Variants in SLC10A7 observed in about 807,000 individuals in gnomAD.
SLC10A7 encodes sodium/bile acid cotransporter 7.
Under a neutral mutation model 43.2 loss-of-function variants are expected in SLC10A7, and 29 were observed. The observed-to-expected ratio is 0.67, with a 90% confidence interval of 0.50 to 0.92. The LOEUF is 0.92. SLC10A7 is among the 40% of genes least tolerant of loss of function. The pLI is 0.00. For missense variants in SLC10A7, 295 were observed against 403.2 expected, an observed-to-expected ratio of 0.73 and a Z score of 2.30; for synonymous variants, 152 against 144.8, an observed-to-expected ratio of 1.05 and a Z score of -0.35.
intron 5 of SLC10A7, among the ~76,000 whole-genome samples, chr4:146,418,767 T>C (rs567914733): frequency 6.6e-6 from 1 of 152,174 alleles, no homozygotes; most frequent in Non-Finnish European, 1.5e-5. Context: ...ACTCTCCACC[T>C]GCAGAGAGTG....
At chr4:146,445,302 T>C (rs1287948326) in intron 4 of SLC10A7, among the ~76,000 whole-genome samples, 2 of 152,058 alleles carry the variant, frequency 1.3e-5, no homozygotes, top group South Asian at 2.1e-4. Context: ...CGCGAAGGGG[T>C]TGGCTCATTT....
chr4:146,329,142 A>C lies in SLC10A7; in HGVS notation c.436-3146T>G, dbSNP rs564549566. Among the ~76,000 whole-genome samples, 3 of 152,334 alleles carry C rather than the reference A, an allele frequency of 2.0e-5. No individual in the cohort carries two copies. In the South Asian group the frequency reaches 6.2e-4, roughly 32 times the overall value. The stretch of plus-strand genomic sequence containing the variant: ...CCAAGGACTTATAACATTTGTTCCC[A>C]AAATAGTAAAAGTTTCCTAGCAAAT... On this transcript the variant is annotated intron_variant, in intron 5 of 11. Transcript: ENST00000335472.
chr4:146,345,519 C>T (rs1052551405), intron 5 of SLC10A7, among the ~76,000 whole-genome samples: 6 of 152,122 alleles, frequency 3.9e-5, no homozygotes, highest in South Asian at 2.1e-4. Context: ...ATTCCTTGAC[C>T]GGGCTATATT....
intron 5 of SLC10A7, among the ~76,000 whole-genome samples, chr4:146,372,960 T>C (rs910892361): frequency 2.6e-5 from 4 of 152,212 alleles, no homozygotes; most frequent in African/African-American, 9.6e-5. Context: ...CTAGAATCCA[T>C]TTGTTCTTCA....
intron 5 of SLC10A7, among the ~76,000 whole-genome samples, chr4:146,421,000 C>T (rs1162325164): frequency 6.6e-6 from 1 of 151,994 alleles, no homozygotes; most frequent in Non-Finnish European, 1.5e-5. Flanking sequence ...GTACTCCAGC[C>T]TGGGGGACAG....
chr4:146,399,585 G>A (rs536885450), intron 5 of SLC10A7, among the ~76,000 whole-genome samples: 1 of 152,140 alleles, frequency 6.6e-6, no homozygotes, highest in Admixed American at 6.6e-5. Context: ...AATTTGAATA[G>A]TCATAGTGAA....
Position 146,352,564 on chromosome 4 carries a change from C to T in SLC10A7, c.436-26568G>A, listed in dbSNP as rs1350575076. ...ATAGACATCTACAGAACTCTCCACC[C>T]CAAATCAACAGAATATACATTTTTT... On this transcript the variant is annotated intron_variant, in intron 5 of 11. Coordinates refer to ENST00000335472, the MANE Select transcript of SLC10A7 (RefSeq NM_001029998.6). Among the ~76,000 whole-genome samples the T allele has an allele frequency of 3.4e-4, 51 of 151,000 alleles. 1 individual carries two copies. Among genetic ancestry groups the T allele is most frequent in the African/African-American group, 1.2e-3 (50 of 41,022 alleles).
chr4:146,446,740 T>TTATCTATCTATC (rs150949685), intron 4 of SLC10A7, among the ~76,000 whole-genome samples: 21 of 143,822 alleles, frequency 1.5e-4, no homozygotes, highest in South Asian at 2.3e-4. Context: ...GTGAGAAGGT[T>TTATCTATCTATC]TATCTATCTA....
chr4:146,324,782 C>T (rs911954357), intron 6 of SLC10A7, among the ~76,000 whole-genome samples: 3 of 152,100 alleles, frequency 2.0e-5, no homozygotes, highest in Non-Finnish European at 2.9e-5. Flanking sequence ...TGCAAATAGT[C>T]TCTTTGGTTT....
At chr4:146,267,417 C>G (rs532556032) in intron 10 of SLC10A7, among the ~76,000 whole-genome samples, 1 of 152,288 alleles carries the variant, frequency 6.6e-6, no homozygotes, top group Admixed American at 6.5e-5. Context: ...CAAAGGCTGG[C>G]AACTCAACTT....
chr4:146,339,808 G>GTT (rs376451032), intron 5 of SLC10A7, among the ~76,000 whole-genome samples: 7 of 136,346 alleles, frequency 5.1e-5, no homozygotes, highest in South Asian at 2.3e-4. Flanking sequence ...TTCATTTGTC[G>GTT]TTTTTTTTTT....
intron 5 of SLC10A7, among the ~76,000 whole-genome samples, chr4:146,437,426 A>C (rs1730294665): frequency 6.6e-6 from 1 of 152,112 alleles, no homozygotes. Flanking sequence ...GATGAACTTG[A>C]AACAGCATCT....
chr4:146,384,170 C>G lies in SLC10A7; in HGVS notation c.436-58174G>C, dbSNP rs1737829529. Among the ~76,000 whole-genome samples the G allele has an allele frequency of 2.6e-5, 4 of 152,032 alleles. No homozygotes were observed. In the South Asian group the frequency reaches 8.3e-4, roughly 32 times the overall value. ...TCAAACAATGTCAATTATTAAAGTC[C>G]AGCAAACATCTTTTATTTCATGCTC... On this transcript the variant is annotated intron_variant, in intron 5 of 11. Coordinates refer to ENST00000335472, the MANE Select transcript of SLC10A7 (RefSeq NM_001029998.6).
At chr4:146,503,746 A>C in intron 4 of SLC10A7, 103 bp downstream of exon 4, 1 of 983,408 alleles carries the variant, frequency 1.0e-6, no homozygotes, top group South Asian at 1.4e-5. Context: ...TATGGCTAGG[A>C]GTTTTCTGCA....
intron 5 of SLC10A7, among the ~76,000 whole-genome samples, chr4:146,391,193 T>A (rs1738401697): frequency 6.6e-6 from 1 of 152,206 alleles, no homozygotes; most frequent in South Asian, 2.1e-4. Context: ...CAATCAGCAA[T>A]TTTCTTTAAT....
chr4:146,442,851 C>T (rs751996897), intron 4 of SLC10A7, 30 bp from the exon 5 acceptor site: 1 of 1,433,428 alleles, frequency 7.0e-7, no homozygotes, highest in Non-Finnish European at 9.6e-7. Context: ...GGGAAAAAAA[C>T]TCATTGAAAG....
At chr4:146,257,019 A>G in intron 11 of SLC10A7, 2 of 958,986 alleles carry the variant, frequency 2.1e-6, no homozygotes, top group Non-Finnish European at 3.1e-6. Flanking sequence ...AACAAATTCT[A>G]GAGCTTTTAA....
At chr4:146,426,765 C>T (rs1729387811) in intron 5 of SLC10A7, among the ~76,000 whole-genome samples, 1 of 152,072 alleles carries the variant, frequency 6.6e-6, no homozygotes, top group Non-Finnish European at 1.5e-5. Context: ...ACCCCAGCTA[C>T]TCGGGAGGCT....
rs554623332 is a variant in SLC10A7, at chr4:146,256,592, G to T, written c.994-72C>A. ...AAAGTGAAAGCATCAATTAACACCA[G>T]ATAATTTATGCTATTAGAAGGAAGA... On this transcript the variant is annotated intron_variant, in intron 11 of 11. Coordinates refer to ENST00000335472, the MANE Select transcript of SLC10A7 (RefSeq NM_001029998.6). The T allele has an allele frequency of 1.5e-5, 22 of 1,508,914 alleles. No individual in the cohort carries two copies. In the South Asian group the frequency reaches 2.3e-4, roughly 15 times the overall value. 93.5% of individuals were successfully genotyped at this position (1,508,914 alleles called of 1,614,324 possible). A position where few individuals can be genotyped will look rare whatever the true frequency, so the allele number is the denominator to read the frequency against.
Sources: allele counts gnomAD v4.1 joint callset (sites outside exome capture counted in the v4.1 genomes callset), GRCh38; gene constraint gnomAD v4.1.1; transcripts MANE v1.5; gene names NCBI Gene and HGNC (gene_info 2026-07-23, HGNC 2026-07-21).